The following AADACL2 variants were observed in gnomAD, a reference collection of about 807,000 sequenced individuals.
AADACL2 encodes arylacetamide deacetylase-like 2.
A neutral mutation model predicts 22.3 loss-of-function variants in AADACL2; 23 were observed. The observed-to-expected ratio is 1.03, with a 90% confidence interval of 0.74 to 1.46. The LOEUF is 1.46. Ranked by LOEUF, AADACL2 falls within the 40% of genes most tolerant of loss-of-function variation. The pLI is 0.00. For synonymous variants in AADACL2, 177 were observed against 166.2 expected, an observed-to-expected ratio of 1.07 and a Z score of -0.50; for missense variants, 472 against 482.9, an observed-to-expected ratio of 0.98 and a Z score of 0.21.
At chr3:151,738,524 A>AT (rs1405791814) in intron 1 of AADACL2, among the ~76,000 whole-genome samples, 1 of 152,196 alleles carries the variant, frequency 6.6e-6, no homozygotes, top group East Asian at 1.9e-4. Flanking sequence ...TATTTCCTGA[A>AT]TTTGAATGTT....
intron 4 of AADACL2, among the ~76,000 whole-genome samples, chr3:151,754,192 C>T (rs889774377): frequency 6.6e-5 from 10 of 151,906 alleles, no homozygotes; most frequent in African/African-American, 1.7e-4. Context: ...GGGATGTTTG[C>T]GAATGAAAAA....
At position 151,751,314 on chromosome 3, in the gene AADACL2, A is replaced by G. The variant is rs189618081; in HGVS notation, c.603+5634A>G. 2.6e-5 allele frequency: 4 copies of G among 152,276 alleles called. No individual in the cohort carries two copies. In the East Asian group the frequency reaches 7.7e-4, roughly 29 times the overall value. 9.4% of individuals were successfully genotyped at this position (152,276 alleles called of 1,614,324 possible). A position where few individuals can be genotyped will look rare whatever the true frequency, so the allele number is the denominator to read the frequency against. ...TAGAGATTCTGAAAGCTGTCCAACA[A>G]TTACCCAATAGTGATTAAGCAACAT... On this transcript the variant is annotated intron_variant, in intron 4 of 4. Coordinates refer to ENST00000356517, the MANE Select transcript of AADACL2 (RefSeq NM_207365.4).
At chr3:151,748,368 A>C (rs1713530764) in intron 4 of AADACL2, among the ~76,000 whole-genome samples, 1 of 152,198 alleles carries the variant, frequency 6.6e-6, no homozygotes, top group Non-Finnish European at 1.5e-5. Flanking sequence ...TTTATTGAAA[A>C]GACTGTCTTT....
chr3:151,752,957 C>T (rs750819473), intron 4 of AADACL2, among the ~76,000 whole-genome samples: 1 of 151,994 alleles, frequency 6.6e-6, no homozygotes. Flanking sequence ...ATTTCTATGG[C>T]TGTATATATT....
In AADACL2 at chr3:151,757,030, G is replaced by A; in HGVS notation, c.642G>A (p.Met214Ile). 2 of 1,609,534 alleles carry A rather than the reference G, an allele frequency of 1.2e-6. No individual in the cohort carries two copies. The highest frequency in any genetic ancestry group is 1.7e-6 in the Non-Finnish European group (2 of 1,178,670). ...NDAEIKHKIK[M>I]QVLLYPGLQI... ...CTGAAATAAAACATAAAATCAAGATGCAAGTCTTACTTTACCCTGGCTTAC... is the reference window on the plus strand; with the variant it reads ...CTGAAATAAAACATAAAATCAAGATACAAGTCTTACTTTACCCTGGCTTAC... The change falls in exon 5 of 5, where the codon ATG becomes ATA. Residue 214 changes from methionine to isoleucine, a missense_variant. Coordinates refer to ENST00000356517, the MANE Select transcript of AADACL2 (RefSeq NM_207365.4).
Position 151,759,152 on chromosome 3 carries a change from T to C in AADACL2, c.*1558T>C, listed in dbSNP as rs1267423549. On this transcript the variant is annotated 3_prime_UTR_variant, in exon 5 of 5. Transcript: ENST00000356517. ...ATCTAAATGGAGATTTGATACTATA[T>C]GCTATACTACATACACTAAGAATAT... 1 of 152,158 alleles carries C rather than the reference T, an allele frequency of 6.6e-6. No individual in the cohort carries two copies. Among genetic ancestry groups the C allele is most frequent in the African/African-American group, 2.4e-5 (1 of 41,456 alleles). The allele number at this position is 152,158 out of a possible 1,614,324, so 9.4% of individuals were successfully genotyped here. A position where few individuals can be genotyped will look rare whatever the true frequency, so the allele number is the denominator to read the frequency against.
chr3:151,750,544 A>G (rs1423493364), intron 4 of AADACL2, among the ~76,000 whole-genome samples: 2 of 151,570 alleles, frequency 1.3e-5, no homozygotes, highest in African/African-American at 4.8e-5. Flanking sequence ...CAACTTGTCT[A>G]CCTTTCTATT....
chr3:151,734,151 T>C lies in AADACL2; in HGVS notation c.116T>C (p.Ile39Thr). The change falls in exon 1 of 5, where the codon ATC (isoleucine) becomes ACC (threonine). Residue 39 changes from isoleucine (I) to threonine (T), a missense_variant. Ile to Thr is a moderately conservative substitution (Grantham distance 89, BLOSUM62 -1). Transcript: ENST00000356517. ...TGGAAAATAATGGCCTTGGATGCCA[T>C]CGCTAAAACTTGTACATTTACGGTA... Reference protein sequence around the residue: ...ESWKIMALDAIAKTCTFTAMC... With the variant: ...ESWKIMALDATAKTCTFTAMC... 6.2e-7 allele frequency: 1 copy of C among 1,613,384 alleles called. No individual in the cohort carries two copies. The highest frequency in any genetic ancestry group is 8.5e-7 in the Non-Finnish European group (1 of 1,179,650).
intron 4 of AADACL2, among the ~76,000 whole-genome samples, chr3:151,747,737 G>A (rs541531411): frequency 4.6e-5 from 7 of 152,064 alleles, no homozygotes; most frequent in Admixed American, 4.6e-4. Context: ...CTGCTTCAAT[G>A]AATATGCGAG....
intron 4 of AADACL2, among the ~76,000 whole-genome samples, chr3:151,750,852 T>C (rs1713641190): frequency 1.3e-5 from 2 of 152,192 alleles, no homozygotes; most frequent in Non-Finnish European, 2.9e-5. Flanking sequence ...CATATGCCTA[T>C]ACGTATATAT....
intron 4 of AADACL2, among the ~76,000 whole-genome samples, chr3:151,754,460 G>A (rs1171825736): frequency 1.3e-5 from 2 of 152,056 alleles, no homozygotes; most frequent in Non-Finnish European, 2.9e-5. Context: ...TAAGGGAGGG[G>A]CAGAGCAAAT....
intron 4 of AADACL2, among the ~76,000 whole-genome samples, chr3:151,753,146 TTTTG>T (rs1713734433): frequency 1.3e-5 from 2 of 152,180 alleles, no homozygotes; most frequent in South Asian, 2.1e-4. Flanking sequence ...GTTTCTGTTA[TTTTG>T]TTTGTTTACC....
intron 4 of AADACL2, among the ~76,000 whole-genome samples, chr3:151,746,956 T>C (rs1713470299): frequency 6.6e-6 from 1 of 151,562 alleles, no homozygotes; most frequent in African/African-American, 2.4e-5. Context: ...CAAGCTGGAG[T>C]GCAGTGGCGC....
At position 151,757,459 on chromosome 3, in the gene AADACL2, T is replaced by G; in HGVS notation, c.1071T>G (p.Val357=). The G allele has an allele frequency of 6.2e-7, 1 of 1,613,648 alleles. No homozygotes were observed. The highest frequency in any genetic ancestry group is 8.5e-7 in the Non-Finnish European group (1 of 1,179,652). The change falls in exon 5 of 5, where the codon GTT becomes GTG. Residue 357 remains valine (V), a synonymous_variant. Coordinates refer to ENST00000356517, the MANE Select transcript of AADACL2 (RefSeq NM_207365.4). ...GLMYVTRLRN[V]GVQVVHEHIE... ...TGTATGTTACAAGACTTCGAAATGT[T>G]GGAGTCCAAGTTGTTCATGAACATA...
At chr3:151,738,935 T>G (rs1025804578) in intron 1 of AADACL2, among the ~76,000 whole-genome samples, 1 of 152,196 alleles carries the variant, frequency 6.6e-6, no homozygotes, top group Non-Finnish European at 1.5e-5. Context: ...TGCATTGGGG[T>G]AGAACATGCT....
rs745447077 is a variant in AADACL2, at chr3:151,757,199, C to T, written c.811C>T (p.Pro271Ser). The change falls in exon 5 of 5, where the codon CCT (proline) becomes TCT (serine). Residue 271 changes from proline (P) to serine (S), a missense_variant. Coordinates refer to ENST00000356517, the MANE Select transcript of AADACL2 (RefSeq NM_207365.4). ...GGCAATGAGAAGAAACCAACACATG[C>T]CTCTGGAGTCAAGACATCTGTTTAA... Reference protein sequence around the residue: ...PWAMRRNQHMPLESRHLFKFV... With the variant: ...PWAMRRNQHMSLESRHLFKFV... The T allele has an allele frequency of 6.2e-7, 1 of 1,613,500 alleles. No individual in the cohort carries two copies. Among genetic ancestry groups the T allele is most frequent in the South Asian group, 1.1e-5 (1 of 91,040 alleles).
chr3:151,746,113 C>A (rs1273290241), intron 4 of AADACL2, among the ~76,000 whole-genome samples: 1 of 152,042 alleles, frequency 6.6e-6, no homozygotes, highest in Non-Finnish European at 1.5e-5. Flanking sequence ...AGATCCTCTT[C>A]AATTTCTCAG....
At chr3:151,739,882 G>A (rs371146249) in intron 1 of AADACL2, among the ~76,000 whole-genome samples, 66 of 152,322 alleles carry the variant, frequency 4.3e-4, no homozygotes, top group East Asian at 1.5e-3. Context: ...GATCATCCCA[G>A]GTTGACTTCA....
In AADACL2 at chr3:151,745,522, C is replaced by G. The variant is rs778424556; in HGVS notation, c.445C>G (p.Pro149Ala). Residue 149 changes from proline to alanine, a missense_variant, in exon 4 of 5, where the codon CCT becomes GCT. Pro to Ala is a conservative substitution (Grantham distance 27, BLOSUM62 -1). Coordinates refer to ENST00000356517, the MANE Select transcript of AADACL2 (RefSeq NM_207365.4). ...CTTTCTTTAAAGCTATAGGCTGGCTCCTCAACACCACTTTCCTGCTCAGTT... is the reference window on the plus strand; with the variant it reads ...CTTTCTTTAAAGCTATAGGCTGGCTGCTCAACACCACTTTCCTGCTCAGTT... ...VVVGVDYRLA[P>A]QHHFPAQFED... The G allele has an allele frequency of 1.4e-5, 22 of 1,612,742 alleles. No individual in the cohort carries two copies. The highest frequency in any genetic ancestry group is 1.9e-5 in the Non-Finnish European group (22 of 1,179,560).
Sources: allele counts gnomAD v4.1 joint callset (sites outside exome capture counted in the v4.1 genomes callset), GRCh38; gene constraint gnomAD v4.1.1; transcripts MANE v1.5; gene names NCBI Gene and HGNC (gene_info 2026-07-23, HGNC 2026-07-21).